Variants in EPM2A observed in about 807,000 individuals in gnomAD.
EPM2A encodes EPM2A glucan phosphatase, laforin.
In EPM2A, 21 loss-of-function variants were observed where a neutral mutation model predicts 26.5. The ratio of observed to expected loss-of-function variants is 0.79; its 90% CI spans 0.56 to 1.14. EPM2A has a LOEUF of 1.14. Among genes scored for constraint, EPM2A ranks in the 50% most tolerant of loss-of-function variants. EPM2A has a pLI of 0.00. For synonymous variants in EPM2A, 217 were observed against 177.6 expected (o/e 1.22, Z -1.76); for missense variants, 458 against 440.8 (o/e 1.04, Z -0.35).
chr6:145,507,086 AAG>A (rs1219313858), intron 2 of EPM2A, among the ~76,000 whole-genome samples: 1 of 152,204 alleles, frequency 6.6e-6, no homozygotes, highest in African/African-American at 2.4e-5. Flanking sequence ...GTTTTAAAGA[AAG>A]AGATGAGATT....
At chr6:145,610,802 A>C (rs1775376262) in intron 2 of EPM2A, among the ~76,000 whole-genome samples, 1 of 152,194 alleles carries the variant, frequency 6.6e-6, no homozygotes, top group South Asian at 2.1e-4. Flanking sequence ...TGGTCAGAGC[A>C]AAAGTCTTGC....
intron 2 of EPM2A, among the ~76,000 whole-genome samples, chr6:145,524,833 A>T (rs951383698): frequency 6.6e-6 from 1 of 152,112 alleles, no homozygotes; most frequent in Non-Finnish European, 1.5e-5. Flanking sequence ...TTAGTCATAA[A>T]TTCTTTCTGA....
At chr6:145,552,427 A>C (rs1445422644) in intron 2 of EPM2A, among the ~76,000 whole-genome samples, 1 of 152,078 alleles carries the variant, frequency 6.6e-6, no homozygotes, top group Non-Finnish European at 1.5e-5. Context: ...GAAAACCAGA[A>C]GATTGCAAAA....
chr6:145,437,720 G>A lies in EPM2A; in HGVS notation c.556-53623C>T, dbSNP rs889267891. ...TCTATTTATGTCTACATATGAGGGA[G>A]CCTAGACTCTTGAAATAGTATAATA... is the stretch of plus-strand genomic sequence containing the variant. On this transcript the variant is annotated intron_variant, in intron 4 of 4. Transcript: ENST00000638717. Among the ~76,000 whole-genome samples, 3 of 152,148 alleles carry A rather than the reference G, an allele frequency of 2.0e-5. 1 individual carries two copies. Among genetic ancestry groups the A allele is most frequent in the South Asian group, 4.1e-4 (2 of 4,828 alleles).
At chr6:145,624,120 C>A (rs372437468), downstream of EPM2A, among the ~76,000 whole-genome samples, 3 of 152,132 alleles carry the variant, frequency 2.0e-5, no homozygotes, top group East Asian at 5.8e-4. Context: ...TATCAGTTTT[C>A]TTCTTTTTCT....
At chr6:145,565,969 G>A (rs996987712) in intron 2 of EPM2A, among the ~76,000 whole-genome samples, 2 of 152,184 alleles carry the variant, frequency 1.3e-5, no homozygotes, top group African/African-American at 4.8e-5. Context: ...TTGGATCAGT[G>A]AGCACTATTT....
intron 4 of EPM2A, among the ~76,000 whole-genome samples, chr6:145,399,214 C>G (rs956524894): frequency 3.3e-5 from 5 of 152,110 alleles, no homozygotes; most frequent in Admixed American, 6.6e-5. Context: ...CTCATTGGCA[C>G]TTCCCATTAT....
chr6:145,665,894 A>G (rs1779142961), intron 2 of EPM2A, among the ~76,000 whole-genome samples: 1 of 151,038 alleles, frequency 6.6e-6, no homozygotes, highest in African/African-American at 2.4e-5. Context: ...CAGCATATAA[A>G]CAAAGCCAAA....
chr6:145,665,510 A>T (rs7772292), intron 2 of EPM2A, among the ~76,000 whole-genome samples: 44,470 of 88,190 alleles, frequency 0.5, 12,316 homozygotes, highest in African/African-American at 0.6. Context: ...GCTGAAATTG[A>T]GGCAATAATC....
intron 4 of EPM2A, among the ~76,000 whole-genome samples, chr6:145,472,750 A>G (rs1779492626): frequency 6.6e-6 from 1 of 152,144 alleles, no homozygotes; most frequent in African/African-American, 2.4e-5. Flanking sequence ...CCACAATACA[A>G]TAGAATGCGA....
chr6:145,575,805 A>C (rs1269469607), intron 2 of EPM2A, among the ~76,000 whole-genome samples: 1 of 152,204 alleles, frequency 6.6e-6, no homozygotes, highest in Non-Finnish European at 1.5e-5. Flanking sequence ...AATCATATTA[A>C]GCAGCCAACT....
At chr6:145,495,728 C>T (rs1191761327) in intron 4 of EPM2A, among the ~76,000 whole-genome samples, 1 of 152,164 alleles carries the variant, frequency 6.6e-6, no homozygotes, top group East Asian at 1.9e-4. Flanking sequence ...AGGCATGTGC[C>T]ACCACACCTG....
chr6:145,661,400 G>C (rs1224168425), intron 2 of EPM2A, among the ~76,000 whole-genome samples: 1 of 152,192 alleles, frequency 6.6e-6, no homozygotes, highest in Admixed American at 6.5e-5. Flanking sequence ...AATTCAGGCT[G>C]AAGAGGAATC....
intron 4 of EPM2A, among the ~76,000 whole-genome samples, chr6:145,459,463 C>T (rs1779301792): frequency 6.6e-6 from 1 of 152,102 alleles, no homozygotes; most frequent in Non-Finnish European, 1.5e-5. Flanking sequence ...ATTTATTCAT[C>T]CAAATTGTTC....
At chr6:145,601,507 AT>A (rs1242149596) in intron 2 of EPM2A, among the ~76,000 whole-genome samples, 2 of 152,186 alleles carry the variant, frequency 1.3e-5, no homozygotes, top group Non-Finnish European at 2.9e-5. Context: ...GTCTTAAAGG[AT>A]TACCAGATAT....
At chr6:145,599,739 G>A (rs1044951810) in intron 2 of EPM2A, among the ~76,000 whole-genome samples, 1 of 151,920 alleles carries the variant, frequency 6.6e-6, no homozygotes. Flanking sequence ...TATAATTAGA[G>A]TCCTTTGAGC....
At chr6:145,578,021 G>A (rs1781058877) in intron 2 of EPM2A, among the ~76,000 whole-genome samples, 2 of 151,958 alleles carry the variant, frequency 1.3e-5, no homozygotes, top group Admixed American at 1.3e-4. Flanking sequence ...GGAAACACAA[G>A]ATACCAAAAT....
At chr6:145,439,151 T>C (rs1481790151) in intron 4 of EPM2A, among the ~76,000 whole-genome samples, 1 of 152,206 alleles carries the variant, frequency 6.6e-6, no homozygotes, top group Non-Finnish European at 1.5e-5. Flanking sequence ...TCTCTTTCTT[T>C]TTATGGCTGC....
chr6:145,551,814 T>C (rs1472289603), intron 2 of EPM2A, among the ~76,000 whole-genome samples: 1 of 149,100 alleles, frequency 6.7e-6, no homozygotes, highest in Non-Finnish European at 1.5e-5. Context: ...GGATATACCA[T>C]AGAATCAAAA....
Sources: gnomAD v4.1 joint callset for allele counts (sites outside exome capture counted in the v4.1 genomes callset) on GRCh38, gnomAD v4.1.1 for gene constraint, MANE v1.5 for transcripts, NCBI Gene and HGNC (gene_info 2026-07-23, HGNC 2026-07-21) for gene names.